Variants in SIRT4 observed in about 807,000 individuals in gnomAD.
SIRT4 encodes NAD-dependent protein lipoamidase sirtuin-4, mitochondrial.
A neutral mutation model predicts 26.1 loss-of-function variants in SIRT4; 23 were observed. That is an observed-to-expected ratio of 0.88 (90% CI 0.63 to 1.25). The LOEUF (loss-of-function observed/expected upper bound fraction) is 1.25. SIRT4 is among the 50% of genes most tolerant of loss of function. The probability of loss-of-function intolerance (pLI) is 0.00; values close to 1 mark genes in which losing one functional copy is unlikely to be tolerated. For synonymous variants in SIRT4, 155 were observed against 158.4 expected, an observed-to-expected ratio of 0.98 and a Z score of 0.16; for missense variants, 361 against 405.4, an observed-to-expected ratio of 0.89 and a Z score of 0.94.
intron 2 of SIRT4, 64 bp from the exon 3 acceptor site, chr12:120,312,392 C>T (rs770501136): frequency 3.9e-5 from 57 of 1,474,998 alleles, no homozygotes; most frequent in African/African-American, 5.7e-5. Flanking sequence ...GGAGATGAAA[C>T]GTCTCTGACA....
intron 2 of SIRT4, among the ~76,000 whole-genome samples, chr12:120,305,919 G>GGA (rs1402595101): frequency 1.3e-5 from 2 of 151,920 alleles, no homozygotes; most frequent in African/African-American, 4.8e-5. Context: ...GGCTGAGGCA[G>GGA]GAGAATGGCG....
chr12:120,292,027 C>A, the SIRT4 span: 1 of 152,152 alleles, frequency 6.6e-6, no homozygotes, highest in Non-Finnish European at 1.5e-5. Flanking sequence ...ATTTAAGGCC[C>A]ATCTGCATAG....
chr12:120,293,139 G>A, the SIRT4 span: 13 of 152,232 alleles, frequency 8.5e-5, no homozygotes, highest in Admixed American at 1.3e-4. Flanking sequence ...CGACTATATT[G>A]CAAGTCGTCA....
At chr12:120,308,073 T>C (rs562590656) in intron 2 of SIRT4, among the ~76,000 whole-genome samples, 1 of 151,902 alleles carries the variant, frequency 6.6e-6, no homozygotes, top group African/African-American at 2.4e-5. Context: ...CCTAGTCTGG[T>C]CTCGAACTCC....
the SIRT4 span, among the ~76,000 whole-genome samples, chr12:120,293,962 A>G: frequency 6.8e-6 from 1 of 148,130 alleles, no homozygotes. Context: ...TCAGGAATTC[A>G]TTAATTTTAT....
chr12:120,291,953 A>T, the SIRT4 span: 103,358 of 152,014 alleles, frequency 0.68, 35,563 homozygotes, highest in East Asian at 0.9. Flanking sequence ...GACTACCATT[A>T]CATTGAGGGT....
At chr12:120,306,586 G>A (rs1872754473) in intron 2 of SIRT4, among the ~76,000 whole-genome samples, 2 of 152,202 alleles carry the variant, frequency 1.3e-5, no homozygotes, top group South Asian at 2.1e-4. Context: ...CAGATCACTT[G>A]AGGTCAGGAG....
chr12:120,293,408 C>T, the SIRT4 span, among the ~76,000 whole-genome samples: 1 of 152,130 alleles, frequency 6.6e-6, no homozygotes, highest in African/African-American at 2.4e-5. Context: ...TTGCTGATTT[C>T]ACTTAGCTAG....
chr12:120,300,671 C>A (rs756712772), upstream of SIRT4, among the ~76,000 whole-genome samples: 1 of 152,140 alleles, frequency 6.6e-6, no homozygotes, highest in African/African-American at 2.4e-5. Flanking sequence ...TGGTCTTGAA[C>A]TTTTGGGCTC....
chr12:120,297,266 A>C, the SIRT4 span, among the ~76,000 whole-genome samples: 26 of 147,900 alleles, frequency 1.8e-4, no homozygotes, highest in Admixed American at 1.7e-3. Context: ...ACATACATAA[A>C]ATAAAATAAA....
chr12:120,300,792 A>G (rs1208701569), upstream of SIRT4, among the ~76,000 whole-genome samples: 1 of 152,140 alleles, frequency 6.6e-6, no homozygotes, highest in Non-Finnish European at 1.5e-5. Flanking sequence ...GGTGGTCTTC[A>G]AGGTCCCTGC....
At chr12:120,301,158 A>C (rs573958101), upstream of SIRT4, among the ~76,000 whole-genome samples, 39 of 152,262 alleles carry the variant, frequency 2.6e-4, no homozygotes, top group African/African-American at 8.9e-4. Flanking sequence ...CATCCTGGCT[A>C]ACATGGTGAA....
the SIRT4 span, among the ~76,000 whole-genome samples, chr12:120,292,157 C>T: frequency 6.6e-6 from 1 of 152,164 alleles, no homozygotes; most frequent in Non-Finnish European, 1.5e-5. Context: ...AGAGATGACT[C>T]GGTTGAGACT....
At chr12:120,312,799 G>A (rs1252670189) in intron 3 of SIRT4, 49 bp downstream of exon 3, 2 of 1,606,288 alleles carry the variant, frequency 1.2e-6, no homozygotes, top group East Asian at 2.2e-5. Flanking sequence ...GGGATTGGGA[G>A]TCCTGGAGAG....
chr12:120,293,143 G>T, the SIRT4 span: 1 of 152,176 alleles, frequency 6.6e-6, no homozygotes, highest in Admixed American at 6.6e-5. Context: ...TATATTGCAA[G>T]TCGTCACGGC....
intron 2 of SIRT4, among the ~76,000 whole-genome samples, chr12:120,309,426 T>TTTTG (rs1872871064): frequency 6.7e-6 from 1 of 150,312 alleles, no homozygotes; most frequent in Non-Finnish European, 1.5e-5. Flanking sequence ...TTTTTTTTTT[T>TTTTG]TTTGAGACAG....
At chr12:120,294,006 C>CTTTTTT in the SIRT4 span, among the ~76,000 whole-genome samples, 2 of 84,014 alleles carry the variant, frequency 2.4e-5, no homozygotes, top group African/African-American at 9.9e-5. Context: ...GAGATGTTAT[C>CTTTTTT]TTTTTTTTTT....
intron 2 of SIRT4, among the ~76,000 whole-genome samples, chr12:120,304,826 T>C (rs868737606): frequency 0.44 from 15,088 of 34,346 alleles, 1,446 homozygotes; most frequent in African/African-American, 0.53. Context: ...TATATATATA[T>C]ATATATATAT....
At chr12:120,301,582 C>T (rs1003158627), upstream of SIRT4, among the ~76,000 whole-genome samples, 1 of 152,028 alleles carries the variant, frequency 6.6e-6, no homozygotes, top group African/African-American at 2.4e-5. Flanking sequence ...GGCGGATCAC[C>T]TGAGGTCGGG....
Sources: allele counts gnomAD v4.1 joint callset (sites outside exome capture counted in the v4.1 genomes callset), GRCh38; gene constraint gnomAD v4.1.1; transcripts MANE v1.5; gene names NCBI Gene and HGNC (gene_info 2026-07-23, HGNC 2026-07-21).